Variants in RPN2 observed in about 807,000 individuals in gnomAD.
The protein encoded by RPN2 is ribophorin II.
Under a neutral mutation model 71.4 loss-of-function variants are expected in RPN2, and 29 were observed. The ratio of observed to expected loss-of-function variants is 0.41; its 90% CI spans 0.30 to 0.55. The LOEUF is 0.55. Among genes scored for constraint, RPN2 ranks in the 20% least tolerant of loss-of-function variants. The probability of loss-of-function intolerance (pLI) is 0.35; values close to 1 mark genes in which losing one functional copy is unlikely to be tolerated. For missense variants in RPN2, 726 were observed against 774.1 expected (o/e 0.94, Z 0.74); for synonymous variants, 308 against 305.0 (o/e 1.01, Z -0.10).
chr20:37,184,285 C>T lies in RPN2; in HGVS notation c.119C>T (p.Ser40Leu), dbSNP rs773226770. ...TKHDVERLKASLDRPFTNLES... is the reference protein window; with the variant it reads ...TKHDVERLKALLDRPFTNLES... ...CATGACGTGGAGAGACTAAAAGCCTCGCTGGATCGCCCTTTCACAAATTTG... is the reference window on the plus strand; with the variant it reads ...CATGACGTGGAGAGACTAAAAGCCTTGCTGGATCGCCCTTTCACAAATTTG... The change falls in exon 2 of 17, where the codon TCG becomes TTG. Residue 40 changes from serine to leucine, a missense_variant. Coordinates refer to ENST00000237530, the MANE Select transcript of RPN2 (RefSeq NM_002951.5). 6.2e-6 allele frequency: 10 copies of T among 1,614,092 alleles called. No homozygotes were observed. The highest frequency in any genetic ancestry group is 5.0e-5 in the Admixed American group (3 of 60,006).
chr20:37,184,166 T>G lies in RPN2; in HGVS notation c.14-14T>G, dbSNP rs1600729836. The G allele has an allele frequency of 6.2e-7, 1 of 1,614,160 alleles. No individual in the cohort carries two copies. Among genetic ancestry groups the G allele is most frequent in the Non-Finnish European group, 8.5e-7 (1 of 1,180,012 alleles). On this transcript the variant is annotated splice_polypyrimidine_tract_variant and intron_variant, in intron 1 of 16. Coordinates refer to ENST00000237530, the MANE Select transcript of RPN2 (RefSeq NM_002951.5). ...AAGAGTGTAGAGTGTACTGAATGGT[T>G]GTTTCCCCCCAAGGTTCAAGCACTG...
intron 9 of RPN2, among the ~76,000 whole-genome samples, chr20:37,214,322 A>G (rs1288228089): frequency 6.6e-6 from 1 of 152,222 alleles, no homozygotes; most frequent in African/African-American, 2.4e-5. Flanking sequence ...AAAATCAGTA[A>G]TCTTTCATAA....
chr20:37,210,299 G>T, intron 8 of RPN2, 134 bp downstream of exon 8: 1 of 1,498,082 alleles, frequency 6.7e-7, no homozygotes, highest in Non-Finnish European at 9.1e-7. Context: ...ACAGTCGAAT[G>T]TAAGAAAATG....
At chr20:37,182,684 TGCC>T (rs1263966898) in intron 1 of RPN2, among the ~76,000 whole-genome samples, 1 of 152,190 alleles carries the variant, frequency 6.6e-6, no homozygotes, top group Non-Finnish European at 1.5e-5. Flanking sequence ...AGTGAGCCAG[TGCC>T]GCTGGCCAAT....
intron 14 of RPN2, 119 bp from the exon 15 acceptor site, chr20:37,233,898 CCTT>C (rs1042831893): frequency 5.6e-6 from 6 of 1,063,014 alleles, no homozygotes; most frequent in South Asian, 1.3e-5. Flanking sequence ...AATTGCCTGT[CCTT>C]CTAGGATGCA....
intron 4 of RPN2, among the ~76,000 whole-genome samples, chr20:37,201,434 G>A (rs953378477): frequency 6.6e-6 from 1 of 151,960 alleles, no homozygotes; most frequent in African/African-American, 2.4e-5. Flanking sequence ...ATAATCACAT[G>A]CCACCACACC....
intron 2 of RPN2, among the ~76,000 whole-genome samples, chr20:37,193,267 G>A (rs1247050041): frequency 6.6e-6 from 1 of 152,244 alleles, no homozygotes; most frequent in Non-Finnish European, 1.5e-5. Flanking sequence ...CACCTGGCAT[G>A]TGGTAGGCAC....
chr20:37,203,060 G>A (rs2067428120), intron 4 of RPN2, among the ~76,000 whole-genome samples: 1 of 152,092 alleles, frequency 6.6e-6, no homozygotes, highest in Non-Finnish European at 1.5e-5. Context: ...GAGTACCTGG[G>A]ACTATAGGCA....
chr20:37,206,564 A>G (rs1490828113), intron 6 of RPN2, among the ~76,000 whole-genome samples: 1 of 152,192 alleles, frequency 6.6e-6, no homozygotes, highest in African/African-American at 2.4e-5. Context: ...GTTTTTGTCA[A>G]AATTTGAGTT....
In RPN2 at chr20:37,223,923, C is replaced by A. The variant is rs373623696; in HGVS notation, c.1138C>A (p.Leu380Ile). The change falls in exon 10 of 17, where the codon CTT (leucine) becomes ATT (isoleucine). Residue 380 changes from leucine to isoleucine, a missense_variant. Transcript: ENST00000237530. ...STEVGITNVD[L>I]STVDKDQSIA... The stretch of plus-strand genomic sequence containing the variant: ...TGAAGTTGGCATCACAAATGTTGAT[C>A]TTTCCACCGTGGATAAGGATCAGAG... The A allele has an allele frequency of 6.2e-7, 1 of 1,614,036 alleles. No individual in the cohort carries two copies. The highest frequency in any genetic ancestry group is 1.3e-5 in the African/African-American group (1 of 74,916).
At chr20:37,214,346 T>C (rs535680174) in intron 9 of RPN2, among the ~76,000 whole-genome samples, 2 of 152,326 alleles carry the variant, frequency 1.3e-5, no homozygotes, top group African/African-American at 2.4e-5. Context: ...ACTTTGTTGA[T>C]GTTTAGCTAA....
chr20:37,241,243 G>T, intron 16 of RPN2, 60 bp from the exon 17 acceptor site: 1 of 1,598,376 alleles, frequency 6.3e-7, no homozygotes, highest in South Asian at 1.1e-5. Flanking sequence ...CACCAGTTAG[G>T]AACTGTAACT....
At chr20:37,179,477 G>A (rs1421731600) in intron 1 of RPN2, 108 bp downstream of exon 1, 12 of 1,425,266 alleles carry the variant, frequency 8.4e-6, no homozygotes, top group African/African-American at 1.5e-5. Flanking sequence ...CGGGACAGGG[G>A]CATGGGCACA....
In RPN2 at chr20:37,223,884, G is replaced by A; in HGVS notation, c.1099G>A (p.Val367Ile). 1 of 1,613,872 alleles carries A rather than the reference G, an allele frequency of 6.2e-7. No homozygotes were observed. The highest frequency in any genetic ancestry group is 8.5e-7 in the Non-Finnish European group (1 of 1,179,846). Residue 367 changes from valine to isoleucine, a missense_variant, in exon 10 of 17, where the codon GTC (valine) becomes ATC (isoleucine). Val to Ile is a conservative substitution (Grantham distance 29). Coordinates refer to ENST00000237530, the MANE Select transcript of RPN2 (RefSeq NM_002951.5). Reference sequence around the variant, plus strand: ...CTTCTCTATTTTCCTCTAGCTCAGAGTCAAGATCTCCACTGAAGTTGGCAT... The same window carrying A: ...CTTCTCTATTTTCCTCTAGCTCAGAATCAAGATCTCCACTGAAGTTGGCAT... ...RYIANTVELR[V>I]KISTEVGITN...
intron 1 of RPN2, among the ~76,000 whole-genome samples, chr20:37,179,894 A>G (rs1178924440): frequency 6.6e-6 from 1 of 152,180 alleles, no homozygotes; most frequent in African/African-American, 2.4e-5. Context: ...TGTGTAACCC[A>G]AAGCAGGTTA....
intron 2 of RPN2, among the ~76,000 whole-genome samples, chr20:37,193,934 G>GC (rs2067200813): frequency 6.6e-6 from 1 of 152,158 alleles, no homozygotes; most frequent in South Asian, 2.1e-4. Flanking sequence ...TGAGAGCCAG[G>GC]CCTAGGAGCT....
intron 13 of RPN2, among the ~76,000 whole-genome samples, 190 bp downstream of exon 13, chr20:37,230,249 T>TA (rs1262200836): frequency 6.6e-6 from 1 of 152,214 alleles, no homozygotes; most frequent in African/African-American, 2.4e-5. Flanking sequence ...GTCCGGTGAC[T>TA]AACCCCCAGA....
chr20:37,184,441 T>C, intron 2 of RPN2, 68 bp downstream of exon 2: 3 of 1,306,450 alleles, frequency 2.3e-6, no homozygotes, highest in Non-Finnish European at 3.3e-6. Flanking sequence ...CTATATTCCT[T>C]TGGGGTAGTT....
At chr20:37,198,202 G>T (rs2067295083) in intron 2 of RPN2, among the ~76,000 whole-genome samples, 195 bp from the exon 3 acceptor site, 1 of 152,168 alleles carries the variant, frequency 6.6e-6, no homozygotes, top group Admixed American at 6.5e-5. Flanking sequence ...GCGCCTTCAG[G>T]CTTATTGCTC....
Sources: allele counts gnomAD v4.1 joint callset (sites outside exome capture counted in the v4.1 genomes callset), GRCh38; gene constraint gnomAD v4.1.1; transcripts MANE v1.5; gene names NCBI Gene and HGNC (gene_info 2026-07-23, HGNC 2026-07-21).